Variants in ALOX15B observed in about 807,000 individuals in gnomAD.
ALOX15B encodes arachidonate 15-lipoxygenase type B.
In ALOX15B, 74 loss-of-function variants were observed where a neutral mutation model predicts 73.8. The ratio of observed to expected loss-of-function variants is 1.00; its 90% CI spans 0.83 to 1.22. The LOEUF is 1.22. ALOX15B is among the 50% of genes most tolerant of loss of function. The pLI, the probability that ALOX15B is intolerant of heterozygous loss-of-function variation, is 0.00. For missense variants in ALOX15B, 896 were observed against 859.9 expected (o/e 1.04, Z -0.52); for synonymous variants, 353 against 357.2 (o/e 0.99, Z 0.13).
At chr17:8,045,189 C>T (rs764776424) in intron 6 of ALOX15B, 49 bp from the exon 7 acceptor site, 2 of 1,612,844 alleles carry the variant, frequency 1.2e-6, no homozygotes, top group African/African-American at 1.3e-5. Flanking sequence ...ACTGCACCCC[C>T]TTCATTTAGA....
At position 8,048,663 on chromosome 17, in the gene ALOX15B, C is replaced by A; in HGVS notation, c.*98C>A. The A allele has an allele frequency of 1.5e-6, 2 of 1,369,112 alleles. No individual in the cohort carries two copies. The highest frequency in any genetic ancestry group is 1.5e-5 in the African/African-American group (1 of 68,390). The allele number at this position is 1,369,112 out of a possible 1,614,324, so 84.8% of individuals were successfully genotyped here. ...AAGGACTCCTCAGAAAAAACAGGCC[C>A]CCATGTGCCTCTCCTGGGACAACCA... On this transcript the variant is annotated 3_prime_UTR_variant, in exon 14 of 14. Transcript: ENST00000380183.
At chr17:8,042,334 C>A in intron 3 of ALOX15B, 35 bp from the exon 4 acceptor site, 5 of 1,610,136 alleles carry the variant, frequency 3.1e-6, no homozygotes, top group Non-Finnish European at 3.4e-6. Flanking sequence ...CTCCCTGAGG[C>A]CTCTTGCTGA....
intron 3 of ALOX15B, among the ~76,000 whole-genome samples, chr17:8,041,842 C>A (rs1038145682): frequency 6.6e-6 from 1 of 152,234 alleles, no homozygotes; most frequent in African/African-American, 2.4e-5. Flanking sequence ...TTCTGCGCAG[C>A]CCCTGTCCCA....
chr17:8,045,182 G>A, intron 6 of ALOX15B, 56 bp from the exon 7 acceptor site: 1 of 1,611,604 alleles, frequency 6.2e-7, no homozygotes, highest in South Asian at 1.1e-5. Flanking sequence ...TTCTACAACT[G>A]CACCCCCTTC....
intron 9 of ALOX15B, 33 bp downstream of exon 9, chr17:8,046,787 C>T: frequency 6.2e-7 from 1 of 1,612,628 alleles, no homozygotes; most frequent in Non-Finnish European, 8.5e-7. Flanking sequence ...AGTAGGCAGG[C>T]CACTCCTTCA....
At chr17:8,039,652 G>GT in intron 2 of ALOX15B, 47 bp downstream of exon 2, 1 of 854,880 alleles carries the variant, frequency 1.2e-6, no homozygotes, top group Non-Finnish European at 1.8e-6. Flanking sequence ...ACAGGAAGGG[G>GT]TAGGGGACTG....
In ALOX15B at chr17:8,048,827, T is replaced by C; in HGVS notation, c.*262T>C. ...CTTTTGGAGGCTCCAAGCCTCAAAG[T>C]GCCCGCAGAGCCCACCTTGAGGGTT... On this transcript the variant is annotated 3_prime_UTR_variant, in exon 14 of 14. Coordinates refer to ENST00000380183, the MANE Select transcript of ALOX15B (RefSeq NM_001141.3). 2.6e-6 allele frequency: 1 copy of C among 380,114 alleles called. No homozygotes were observed. The highest frequency in any genetic ancestry group is 4.2e-5 in the Admixed American group (1 of 24,010). The allele number at this position is 380,114 out of a possible 1,614,324, so 23.5% of individuals were successfully genotyped here. A position where few individuals can be genotyped will look rare whatever the true frequency, so the allele number is the denominator to read the frequency against.
At chr17:8,042,063 G>C (rs1976477939) in intron 3 of ALOX15B, among the ~76,000 whole-genome samples, 1 of 152,208 alleles carries the variant, frequency 6.6e-6, no homozygotes, top group African/African-American at 2.4e-5. Flanking sequence ...TATCCAGAGA[G>C]AGACCACCTC....
At chr17:8,043,494 G>T (rs898301878) in intron 5 of ALOX15B, among the ~76,000 whole-genome samples, 1 of 152,244 alleles carries the variant, frequency 6.6e-6, no homozygotes, top group South Asian at 2.1e-4. Flanking sequence ...GAGCAGGAAG[G>T]TGCACGGGGG....
chr17:8,045,777 C>A, intron 8 of ALOX15B, 91 bp downstream of exon 8: 1 of 1,415,176 alleles, frequency 7.1e-7, no homozygotes, highest in Non-Finnish European at 9.7e-7. Context: ...TCCATGCAAG[C>A]TGGGATGCAG....
intron 6 of ALOX15B, 43 bp downstream of exon 6, chr17:8,045,044 G>A (rs559919601): frequency 1.2e-6 from 2 of 1,610,672 alleles, no homozygotes; most frequent in African/African-American, 1.3e-5. Context: ...TCCCATCTCA[G>A]TGCCTTCACA....
At chr17:8,045,123 A>T in intron 6 of ALOX15B, 115 bp from the exon 7 acceptor site, 1 of 1,588,674 alleles carries the variant, frequency 6.3e-7, no homozygotes, top group Non-Finnish European at 8.6e-7. Flanking sequence ...CTGCGTGCCA[A>T]GCACACTCTC....
chr17:8,047,006 C>CGA lies in ALOX15B; in HGVS notation c.1389_1390dup (p.Gly464GlufsTer59), dbSNP rs1292135051. 1.2e-6 allele frequency: 2 copies of CGA among 1,614,022 alleles called. No homozygotes were observed. The highest frequency in any genetic ancestry group is 3.3e-5 in the Admixed American group (2 of 60,014). On this transcript the variant is annotated frameshift_variant, in exon 10 of 14. Transcript: ENST00000380183. LOFTEE classifies it high-confidence loss of function. ...GTGTCTGCCTGAGGATATCCGGACC[C>CGA]GAGGAGTTGAAGACATCCCAGGCTA...
chr17:8,044,803 G>T (rs552734608), intron 5 of ALOX15B, 26 bp from the exon 6 acceptor site: 11 of 720,606 alleles, frequency 1.5e-5, no homozygotes, highest in Non-Finnish European at 2.0e-5. Context: ...GAGTGACCCC[G>T]TTCCCCTGTC....
chr17:8,047,717 A>G (rs764465136), intron 12 of ALOX15B, 28 bp from the exon 13 acceptor site: 10 of 1,613,886 alleles, frequency 6.2e-6, no homozygotes, highest in African/African-American at 2.7e-5. Context: ...CCAGCTCCTC[A>G]GCCTCATTCT....
chr17:8,039,140 G>A lies in ALOX15B; in HGVS notation c.-16G>A. On this transcript the variant is annotated 5_prime_UTR_variant, in exon 1 of 14. Transcript: ENST00000380183. ...CAGCCCTGTGCGCCGTAGAGAGCTG[G>A]ACTTAGGCTGGCAGCATGGCCGAGT... 1 of 1,611,690 alleles carries A rather than the reference G, an allele frequency of 6.2e-7. No individual in the cohort carries two copies. The highest frequency in any genetic ancestry group is 1.1e-5 in the South Asian group (1 of 90,710).
At chr17:8,043,417 C>A (rs1377237738) in intron 5 of ALOX15B, among the ~76,000 whole-genome samples, 3 of 152,130 alleles carry the variant, frequency 2.0e-5, no homozygotes, top group Admixed American at 2.0e-4. Context: ...GGATCAGCCA[C>A]CTTTGGAGGA....
Position 8,045,540 on chromosome 17 carries a change from G to T in ALOX15B, c.1054G>T (p.Asp352Tyr). The change falls in exon 8 of 14, where the codon GAC becomes TAC. Residue 352 changes from aspartate (D) to tyrosine (Y), a missense_variant. Transcript: ENST00000380183. ...PIFLPTDDKW[D>Y]WLLAKTWVRN... ...CTTCCTGCCCACTGATGACAAGTGG[G>T]ACTGGTTGCTGGCCAAGACCTGGGT... The T allele has an allele frequency of 1.9e-6, 3 of 1,614,178 alleles. No homozygotes were observed.
chr17:8,044,771 A>AC, intron 5 of ALOX15B, 58 bp from the exon 6 acceptor site: 3 of 233,558 alleles, frequency 1.3e-5, no homozygotes, highest in South Asian at 3.7e-5. Context: ...CGTGTCCCCC[A>AC]CCCCCTGCAA....
Sources: gnomAD v4.1 joint callset for allele counts (sites outside exome capture counted in the v4.1 genomes callset) on GRCh38, gnomAD v4.1.1 for gene constraint, MANE v1.5 for transcripts, NCBI Gene and HGNC (gene_info 2026-07-23, HGNC 2026-07-21) for gene names.